Variants in TEAD1 observed in about 807,000 individuals in gnomAD.
TEAD1 encodes transcriptional enhancer factor TEF-1.
In TEAD1, 9 loss-of-function variants were observed where a neutral mutation model predicts 54.9. That is an observed-to-expected ratio of 0.16 (90% CI 0.10 to 0.29). The LOEUF (loss-of-function observed/expected upper bound fraction) is 0.29. Ranked by LOEUF, TEAD1 falls within the 10% of genes least tolerant of loss-of-function variation. TEAD1 has a pLI of 1.00. For missense variants in TEAD1, 387 were observed against 535.9 expected, an observed-to-expected ratio of 0.72 and a Z score of 2.74; for synonymous variants, 200 against 187.8, an observed-to-expected ratio of 1.07 and a Z score of -0.53.
At chr11:12,747,733 G>A (rs1395090952) in intron 2 of TEAD1, among the ~76,000 whole-genome samples, 10 of 152,166 alleles carry the variant, frequency 6.6e-5, no homozygotes, top group Non-Finnish European at 1.3e-4. Flanking sequence ...GATAATATAT[G>A]CATTGACTGT....
intron 3 of TEAD1, among the ~76,000 whole-genome samples, chr11:12,778,336 A>G (rs1485261112): frequency 6.6e-6 from 1 of 152,110 alleles, no homozygotes; most frequent in African/African-American, 2.4e-5. Context: ...AATAGAAAAG[A>G]AAGAATGGGC....
At chr11:12,869,890 T>G (rs1054999451) in intron 5 of TEAD1, among the ~76,000 whole-genome samples, 1 of 152,050 alleles carries the variant, frequency 6.6e-6, no homozygotes, top group Non-Finnish European at 1.5e-5. Context: ...TCTTTTTCTT[T>G]TTTTTTTGAG....
intron 10 of TEAD1, among the ~76,000 whole-genome samples, chr11:12,905,468 A>C (rs1418507164): frequency 1.3e-5 from 2 of 152,266 alleles, no homozygotes; most frequent in Non-Finnish European, 2.9e-5. Flanking sequence ...AGGAATATTT[A>C]ACCTTTATAA....
chr11:12,751,340 G>C (rs984063457), intron 2 of TEAD1, among the ~76,000 whole-genome samples: 1 of 148,594 alleles, frequency 6.7e-6, no homozygotes, highest in Non-Finnish European at 1.5e-5. Flanking sequence ...AAACCTTAAA[G>C]ATCTCACAAA....
intron 5 of TEAD1, among the ~76,000 whole-genome samples, chr11:12,868,269 C>G (rs1042423935): frequency 6.6e-6 from 1 of 152,188 alleles, no homozygotes; most frequent in African/African-American, 2.4e-5. Flanking sequence ...TCCCTCAAAT[C>G]CTTAGTAATG....
chr11:12,764,516 G>T, intron 3 of TEAD1, 82 bp downstream of exon 3: 3 of 1,511,748 alleles, frequency 2.0e-6, no homozygotes, highest in Non-Finnish European at 2.8e-6. Context: ...CTTCCAGCAA[G>T]AGCTGTTCAT....
chr11:12,708,306 G>T (rs1187439624), intron 2 of TEAD1, among the ~76,000 whole-genome samples: 1 of 151,998 alleles, frequency 6.6e-6, no homozygotes, highest in Non-Finnish European at 1.5e-5. Flanking sequence ...TGCCTGCAGT[G>T]CAGTGCCTGG....
chr11:12,689,909 C>T (rs1554920335), intron 2 of TEAD1, among the ~76,000 whole-genome samples: 4 of 151,972 alleles, frequency 2.6e-5, no homozygotes, highest in South Asian at 2.1e-4. Flanking sequence ...AAAAAACAAC[C>T]AACTATTGAT....
chr11:12,771,968 T>C (rs981978279), intron 3 of TEAD1, among the ~76,000 whole-genome samples: 1 of 152,316 alleles, frequency 6.6e-6, no homozygotes, highest in Non-Finnish European at 1.5e-5. Context: ...GAGTATGGCC[T>C]GGGAAACTGT....
chr11:12,824,251 A>G lies in TEAD1; in HGVS notation c.203-37999A>G, dbSNP rs1019940400. 3.9e-5 allele frequency among the ~76,000 whole-genome samples: 6 copies of G among 152,280 alleles called. No homozygotes were observed. In the Middle Eastern group the frequency reaches 0.014, roughly 345 times the overall value. On this transcript the variant is annotated intron_variant, in intron 3 of 12. Transcript: ENST00000527636. ...AATATATGAAATTAAAAATAACTAC[A>G]CTGGACACTGGGCTCTGCATACAGT...
At chr11:12,803,214 G>T (rs559788266) in intron 3 of TEAD1, among the ~76,000 whole-genome samples, 2 of 151,134 alleles carry the variant, frequency 1.3e-5, no homozygotes, top group East Asian at 3.9e-4. Flanking sequence ...AATATTCCCT[G>T]TTTATAGTAC....
chr11:12,899,382 C>T (rs1473867059), intron 9 of TEAD1, among the ~76,000 whole-genome samples: 1 of 152,130 alleles, frequency 6.6e-6, no homozygotes, highest in Non-Finnish European at 1.5e-5. Flanking sequence ...TGTGCCCACA[C>T]CTTTGCCCAT....
intron 10 of TEAD1, among the ~76,000 whole-genome samples, chr11:12,910,720 A>T (rs1194211757): frequency 1.3e-5 from 2 of 150,418 alleles, no homozygotes; most frequent in Non-Finnish European, 3.0e-5. Context: ...AGTGTAAACA[A>T]TACTGTCTAC....
chr11:12,831,280 A>G (rs922396789), intron 3 of TEAD1, among the ~76,000 whole-genome samples: 3 of 151,966 alleles, frequency 2.0e-5, no homozygotes, highest in Non-Finnish European at 4.4e-5. Flanking sequence ...ATTCTTTCCT[A>G]TAGAGCTTGT....
chr11:12,765,449 G>A (rs988590811), intron 3 of TEAD1, among the ~76,000 whole-genome samples: 1 of 152,182 alleles, frequency 6.6e-6, no homozygotes, highest in Admixed American at 6.5e-5. Context: ...TTTACCTGAG[G>A]TTGTTAACTT....
intron 5 of TEAD1, among the ~76,000 whole-genome samples, chr11:12,867,254 C>T (rs996866348): frequency 6.6e-6 from 1 of 152,204 alleles, no homozygotes. Context: ...GAGGGCTTCA[C>T]ACCAGCACAC....
chr11:12,779,144 C>A (rs985225247), intron 3 of TEAD1, among the ~76,000 whole-genome samples: 3 of 151,986 alleles, frequency 2.0e-5, no homozygotes, highest in Admixed American at 6.6e-5. Flanking sequence ...TTTTTCAGAT[C>A]GACTGTGGGT....
intron 3 of TEAD1, among the ~76,000 whole-genome samples, chr11:12,768,661 T>C (rs1345627921): frequency 6.6e-6 from 1 of 152,240 alleles, no homozygotes; most frequent in Non-Finnish European, 1.5e-5. Context: ...GAGACCGTTA[T>C]ACATAAATCC....
intron 5 of TEAD1, among the ~76,000 whole-genome samples, chr11:12,868,018 G>GACAAAGGT (rs1263596262): frequency 6.6e-6 from 1 of 152,306 alleles, no homozygotes; most frequent in African/African-American, 2.4e-5. Flanking sequence ...CGAAGGGGTA[G>GACAAAGGT]ACAAAGGTCT....
Sources: gnomAD v4.1 joint callset for allele counts (sites outside exome capture counted in the v4.1 genomes callset) on GRCh38, gnomAD v4.1.1 for gene constraint, MANE v1.5 for transcripts, NCBI Gene and HGNC (gene_info 2026-07-23, HGNC 2026-07-21) for gene names.